The following ZNF384 variants were observed in gnomAD, a reference collection of about 807,000 sequenced individuals.
ZNF384 encodes the protein zinc finger protein 384.
ZNF384 carries 20 observed loss-of-function variants against 65.0 expected under a neutral mutation model. The observed-to-expected ratio is 0.31, with a 90% CI of 0.22 to 0.45. ZNF384 has a LOEUF of 0.45. Ranked by LOEUF, ZNF384 falls within the 20% of genes least tolerant of loss-of-function variation. ZNF384 has a pLI of 1.00. For synonymous variants in ZNF384, 310 were observed against 303.9 expected, an observed-to-expected ratio of 1.02 and a Z score of -0.21; for missense variants, 549 against 769.4, an observed-to-expected ratio of 0.71 and a Z score of 3.39.
rs560592477 is a variant in ZNF384 at position 6,672,114 on chromosome 12, A to G, written c.1187+236T>C. 1.2e-5 allele frequency: 6 copies of G among 496,298 alleles called. No homozygotes were observed. The highest frequency in any genetic ancestry group is 7.7e-5 in the African/African-American group (4 of 51,798). 30.7% of individuals were successfully genotyped at this position (496,298 alleles called of 1,614,324 possible). ...GGTACGTGTCTGTCTCCCATGGATC[A>G]GTGAATATCATATAGTCACTGCAGC... On this transcript the variant is annotated intron_variant, in intron 9 of 11. Coordinates refer to ENST00000683879, the MANE Select transcript of ZNF384 (RefSeq NM_001385745.1). This position sits in a 1 kb window ranked among gnomAD's most constrained non-coding sequence, Gnocchi z 4.4.
At chr12:6,685,871 C>G (rs938824327) in intron 2 of ZNF384, among the ~76,000 whole-genome samples, 7 of 151,546 alleles carry the variant, frequency 4.6e-5, no homozygotes, top group Non-Finnish European at 1.0e-4. Context: ...CTACATATTC[C>G]TTCTCCAATC....
At chr12:6,685,817 CTAAT>C (rs964330582) in intron 2 of ZNF384, among the ~76,000 whole-genome samples, 65 of 148,428 alleles carry the variant, frequency 4.4e-4, no homozygotes, top group African/African-American at 1.5e-3. Flanking sequence ...CAGGTTTACT[CTAAT>C]TAAGTTGGAG....
At chr12:6,669,749 G>A (rs919902737) in intron 10 of ZNF384, among the ~76,000 whole-genome samples, 5 of 152,022 alleles carry the variant, frequency 3.3e-5, no homozygotes, top group Non-Finnish European at 7.4e-5. Context: ...TGATCCGCCC[G>A]CCTCCGCCGC....
At position 6,679,450 on chromosome 12, in the gene ZNF384, C is replaced by T. The variant is rs377175886; in HGVS notation, c.66+5G>A. ...TGGAGAGAGCAAGAAAGCAACACCA[C>T]TTACCTGACCTGAGACTGTGGGGAT... On this transcript the variant is annotated splice_donor_5th_base_variant and intron_variant, in intron 3 of 11. Coordinates refer to ENST00000683879, the MANE Select transcript of ZNF384 (RefSeq NM_001385745.1). 1.0e-4 allele frequency: 165 copies of T among 1,613,722 alleles called. No homozygotes were observed. The highest frequency in any genetic ancestry group is 1.4e-4 in the Non-Finnish European group (164 of 1,179,724).
chr12:6,683,349 GA>G (rs1370126343), intron 2 of ZNF384, among the ~76,000 whole-genome samples: 2 of 149,592 alleles, frequency 1.3e-5, no homozygotes, highest in Non-Finnish European at 3.0e-5. Flanking sequence ...GAGAATAAAC[GA>G]AAGAAAGGGC....
At chr12:6,686,551 G>A (rs1324721654) in intron 2 of ZNF384, among the ~76,000 whole-genome samples, 2 of 152,186 alleles carry the variant, frequency 1.3e-5, no homozygotes, top group Non-Finnish European at 2.9e-5. Flanking sequence ...ACCGTGCCCG[G>A]CCAAGACTTG....
intron 2 of ZNF384, among the ~76,000 whole-genome samples, chr12:6,682,367 AAAC>A: frequency 7.5e-6 from 1 of 134,168 alleles, no homozygotes; most frequent in Non-Finnish European, 1.6e-5. Context: ...AAACAAAACA[AAAC>A]AAAACATGCA....
Position 6,679,114 on chromosome 12 carries a change from G to T in ZNF384, c.136C>A (p.Pro46Thr), listed in dbSNP as rs1439617207. Residue 46 changes from proline to threonine, a missense_variant, in exon 4 of 12, where the codon CCA becomes ACA. Coordinates refer to ENST00000683879, the MANE Select transcript of ZNF384 (RefSeq NM_001385745.1). Reference sequence around the variant, plus strand: ...GTCAGCAAGGTGGGGTAGTGAGGTGGGGCCAGACCACAGCCCTTCTCTGGC... The same window carrying T: ...GTCAGCAAGGTGGGGTAGTGAGGTGTGGCCAGACCACAGCCCTTCTCTGGC... ...LLPEKGCGLA[P>T]PHYPTLLTVP... 1 of 1,612,600 alleles carries T rather than the reference G, an allele frequency of 6.2e-7. No individual in the cohort carries two copies. The highest frequency in any genetic ancestry group is 8.5e-7 in the Non-Finnish European group (1 of 1,179,150).
intron 2 of ZNF384, 150 bp from the exon 3 acceptor site, chr12:6,679,675 T>C (rs1405437132): frequency 2.1e-5 from 13 of 626,088 alleles, no homozygotes; most frequent in Non-Finnish European, 3.4e-5. Flanking sequence ...TCTAGCACAT[T>C]AGTCCCTTGG....
At chr12:6,681,547 C>T (rs1190558996) in intron 2 of ZNF384, among the ~76,000 whole-genome samples, 1 of 152,092 alleles carries the variant, frequency 6.6e-6, no homozygotes, top group Admixed American at 6.5e-5. Context: ...GGGGAAGACC[C>T]GTGACAGGCA....
At chr12:6,681,220 A>C (rs1955829328) in intron 2 of ZNF384, among the ~76,000 whole-genome samples, 1 of 152,134 alleles carries the variant, frequency 6.6e-6, no homozygotes, top group Non-Finnish European at 1.5e-5. Flanking sequence ...TCAAAAAAAA[A>C]AAAAAAAAAC....
At position 6,684,741 on chromosome 12, in the gene ZNF384, C is replaced by T. The variant is rs1029611760; in HGVS notation, c.-6+3426G>A. ...ACCTGAGAAATGCTATGCCACTGTGCTACTGATGAGGCTGACTTCATCTTT... is the reference window on the plus strand; with the variant it reads ...ACCTGAGAAATGCTATGCCACTGTGTTACTGATGAGGCTGACTTCATCTTT... On this transcript the variant is annotated intron_variant, in intron 2 of 11. Coordinates refer to ENST00000683879, the MANE Select transcript of ZNF384 (RefSeq NM_001385745.1). Among the ~76,000 whole-genome samples the T allele has an allele frequency of 3.3e-5, 5 of 152,122 alleles. No homozygotes were observed. The South Asian group carries it at 1.0e-3, about 32-fold the overall frequency.
intron 3 of ZNF384, 21 bp from the exon 4 acceptor site, chr12:6,679,204 C>T (rs182000842): frequency 4.1e-5 from 63 of 1,545,974 alleles, no homozygotes; most frequent in African/African-American, 4.1e-5. Flanking sequence ...AGGAAGGGGA[C>T]GGGAGCACCC....
At position 6,678,467 on chromosome 12, in the gene ZNF384, T is replaced by G; in HGVS notation, c.353-7A>C. The G allele has an allele frequency of 1.9e-6, 3 of 1,573,452 alleles. No homozygotes were observed. The highest frequency in any genetic ancestry group is 2.6e-6 in the Non-Finnish European group (3 of 1,158,272). On this transcript the variant is annotated splice_region_variant and splice_polypyrimidine_tract_variant and intron_variant, in intron 5 of 11. Transcript: ENST00000683879. This position sits in a 1 kb window ranked among gnomAD's most constrained non-coding sequence, Gnocchi z 4.9. ...GTGATTACCAAACCCGGACCTAGGATTGGGAGAAAAAGGAGATGGCGTCAT... is the reference window on the plus strand; with the variant it reads ...GTGATTACCAAACCCGGACCTAGGAGTGGGAGAAAAAGGAGATGGCGTCAT...
intron 2 of ZNF384, among the ~76,000 whole-genome samples, chr12:6,683,120 A>G (rs1956659089): frequency 6.6e-6 from 1 of 151,490 alleles, no homozygotes; most frequent in Non-Finnish European, 1.5e-5. Flanking sequence ...GTGAAACCCC[A>G]TCTCTACTAA....
chr12:6,689,460 G>C (rs1171212187), upstream of ZNF384: 9 of 152,352 alleles, frequency 5.9e-5, no homozygotes. Flanking sequence ...GAGCTCTGCG[G>C]AGAGAAGGCG....
Position 6,678,780 on chromosome 12 carries a change from C to T in ZNF384, c.305-70G>A. 2 of 1,557,990 alleles carry T rather than the reference C, an allele frequency of 1.3e-6. No homozygotes were observed. The highest frequency in any genetic ancestry group is 1.1e-5 in the South Asian group (1 of 89,488). On this transcript the variant is annotated intron_variant, in intron 4 of 11. Coordinates refer to ENST00000683879, the MANE Select transcript of ZNF384 (RefSeq NM_001385745.1). This position sits in a 1 kb window ranked among gnomAD's most constrained non-coding sequence, Gnocchi z 4.9. ...ACCGCATCTTCTACTTCTTTGTATCCCCCACAATGCCTAGCACATTGCTAG... is the reference window on the plus strand; with the variant it reads ...ACCGCATCTTCTACTTCTTTGTATCTCCCACAATGCCTAGCACATTGCTAG...
In ZNF384 at chr12:6,678,149, G is replaced by C. The variant is rs571533095; in HGVS notation, c.664C>G (p.Gln222Glu). Residue 222 changes from glutamine to glutamate, a missense_variant, in exon 6 of 12, where the codon CAG becomes GAG. Physicochemically the swap from Gln to Glu is conservative, Grantham distance 29. Transcript: ENST00000683879. The surrounding 1 kb of genome is among the most constrained non-coding windows in gnomAD (Gnocchi z 4.9). ...TACCTGTAGGTCTTGCCGTCTTTCT[G>C]ATGGTCATCATCATCCTCAGGGGAG... is the stretch of plus-strand genomic sequence containing the variant. ...VLSPEDDDDH[Q>E]KDGKTYRSEG... 1 of 1,612,722 alleles carries C rather than the reference G, an allele frequency of 6.2e-7. No individual in the cohort carries two copies. Among genetic ancestry groups the C allele is most frequent in the Admixed American group, 1.7e-5 (1 of 60,012 alleles).
chr12:6,680,815 G>A (rs937893365), intron 2 of ZNF384, among the ~76,000 whole-genome samples: 1 of 152,202 alleles, frequency 6.6e-6, no homozygotes, highest in African/African-American at 2.4e-5. Context: ...GTTTTAGAAA[G>A]TGTCCTGGCA....
Sources: allele counts gnomAD v4.1 joint callset (sites outside exome capture counted in the v4.1 genomes callset), GRCh38; gene constraint gnomAD v4.1.1; non-coding constraint Gnocchi (gnomAD v3.1); transcripts MANE v1.5; gene names NCBI Gene and HGNC (gene_info 2026-07-23, HGNC 2026-07-21).